B4GALNT3: variants seen among roughly 807,000 people sequenced by gnomAD.
B4GALNT3 encodes beta-1,4-N-acetyl-galactosaminyltransferase 3.
B4GALNT3 carries 86 observed loss-of-function variants against 120.2 expected under a neutral mutation model. The observed-to-expected ratio is 0.72, with a 90% CI of 0.60 to 0.86. B4GALNT3 has a LOEUF of 0.86. Among genes scored for constraint, B4GALNT3 ranks in the 40% least tolerant of loss-of-function variants. B4GALNT3 has a pLI of 0.00. For synonymous variants in B4GALNT3, 518 were observed against 510.4 expected, an observed-to-expected ratio of 1.01 and a Z score of -0.20; for missense variants, 1,167 against 1,298.9, an observed-to-expected ratio of 0.90 and a Z score of 1.56.
intron 1 of B4GALNT3, among the ~76,000 whole-genome samples, chr12:510,502 G>GGAGGTGGCTGGGCTGGGA (rs556557465): frequency 1.7e-4 from 25 of 147,346 alleles, no homozygotes; most frequent in South Asian, 4.5e-4. Context: ...GGAGGGAAAC[G>GGAGGTGGCTGGGCTGGGA]GGCCCTTTCA....
chr12:513,953 A>G (rs1329390954), intron 1 of B4GALNT3, among the ~76,000 whole-genome samples: 1 of 152,138 alleles, frequency 6.6e-6, no homozygotes, highest in Non-Finnish European at 1.5e-5. Context: ...TTCTCCATTC[A>G]TAGTTGATGA....
Position 548,475 on chromosome 12 carries a change from C to T in B4GALNT3, c.853+178C>T, listed in dbSNP as rs768851609. Among the ~76,000 whole-genome samples, 1 of 152,128 alleles carries T rather than the reference C, an allele frequency of 6.6e-6. No individual in the cohort carries two copies. ...TTATGACCAGGAGTCCTTAACTCCC[C>T]AGGGTCAGTGACCCCTTTGAGAACC... On this transcript the variant is annotated intron_variant, in intron 9 of 19. Coordinates refer to ENST00000266383, the MANE Select transcript of B4GALNT3 (RefSeq NM_173593.4). The surrounding 1 kb of genome is among the most constrained non-coding windows in gnomAD (Gnocchi z 4.9).
At chr12:489,061 A>G (rs1319967039) in intron 1 of B4GALNT3, among the ~76,000 whole-genome samples, 1 of 151,910 alleles carries the variant, frequency 6.6e-6, no homozygotes, top group Non-Finnish European at 1.5e-5. Context: ...AAACTAACAC[A>G]GGAACAGAAA....
chr12:554,032 C>A, intron 14 of B4GALNT3, 49 bp downstream of exon 14: 1 of 1,374,762 alleles, frequency 7.3e-7, no homozygotes, highest in Non-Finnish European at 1.0e-6. Context: ...ACGTGGCAGC[C>A]AGCTGGCCTG....
At position 556,966 on chromosome 12, in the gene B4GALNT3, C is replaced by G. The variant is rs1947163723; in HGVS notation, c.2380+100C>G. 4 of 1,228,890 alleles carry G rather than the reference C, an allele frequency of 3.3e-6. No individual in the cohort carries two copies. In the East Asian group the frequency reaches 1.0e-4, roughly 31 times the overall value. 76.1% of individuals were successfully genotyped at this position (1,228,890 alleles called of 1,614,324 possible). ...CACTGATTTGATCCCATAAGCACTT[C>G]TGAGAAAGACCACCTTATAGTTGAG... On this transcript the variant is annotated intron_variant, in intron 15 of 19. Coordinates refer to ENST00000266383, the MANE Select transcript of B4GALNT3 (RefSeq NM_173593.4).
chr12:554,010 A>G (rs1947115023), intron 14 of B4GALNT3, 27 bp downstream of exon 14: 2 of 1,533,298 alleles, frequency 1.3e-6, no homozygotes, highest in African/African-American at 1.4e-5. Flanking sequence ...TCCTGGGGCC[A>G]GGGACTGGGG....
intron 1 of B4GALNT3, among the ~76,000 whole-genome samples, chr12:511,014 T>A (rs1209274901): frequency 7.2e-5 from 1 of 13,914 alleles, no homozygotes; most frequent in South Asian, 3.0e-3. Context: ...TTGCCTATTC[T>A]TTTTTTTTTT....
chr12:511,890 A>C lies in B4GALNT3; in HGVS notation c.170-23276A>C, dbSNP rs1457538827. Among the ~76,000 whole-genome samples, 6 of 49,626 alleles carry C rather than the reference A, an allele frequency of 1.2e-4. 1 individual carries two copies. The highest frequency in any genetic ancestry group is 1.8e-4 in the African/African-American group (2 of 11,164). The allele number at this position is 49,626 out of a possible 152,430, so 32.6% of individuals were successfully genotyped here. On this transcript the variant is annotated intron_variant, in intron 1 of 19. Coordinates refer to ENST00000266383, the MANE Select transcript of B4GALNT3 (RefSeq NM_173593.4). Reference sequence around the variant, plus strand: ...CACCTTCCACCTTCCACCTTCTTCCACCTTCCACCTTCCGCCTTCGACCTT... The same window carrying C: ...CACCTTCCACCTTCCACCTTCTTCCCCCTTCCACCTTCCGCCTTCGACCTT...
At chr12:540,239 G>A (rs531376839) in intron 3 of B4GALNT3, among the ~76,000 whole-genome samples, 25 of 152,180 alleles carry the variant, frequency 1.6e-4, no homozygotes, top group Non-Finnish European at 2.9e-4. Context: ...AGCCCCTGGC[G>A]CAGGTGACAC....
intron 1 of B4GALNT3, among the ~76,000 whole-genome samples, chr12:506,939 T>C (rs916692218): frequency 6.6e-6 from 1 of 152,218 alleles, no homozygotes; most frequent in Non-Finnish European, 1.5e-5. Context: ...CCCGGCCAAG[T>C]GCATTTTTAA....
chr12:526,668 GTGTTTGTT>G (rs150339688), intron 1 of B4GALNT3, among the ~76,000 whole-genome samples: 6 of 152,034 alleles, frequency 3.9e-5, no homozygotes, highest in South Asian at 4.1e-4. Context: ...AATGTTATAG[GTGTTTGTT>G]TGTTTGTTTG....
intron 1 of B4GALNT3, among the ~76,000 whole-genome samples, chr12:530,835 G>A (rs954802967): frequency 6.6e-6 from 1 of 152,198 alleles, no homozygotes; most frequent in East Asian, 1.9e-4. Flanking sequence ...GCACAGAGGA[G>A]GGATGTTGGC....
chr12:553,370 C>T lies in B4GALNT3; in HGVS notation c.1447C>T (p.Arg483Trp), dbSNP rs764497678. The change falls in exon 14 of 20, where the codon CGG (arginine) becomes TGG (tryptophan). Residue 483 changes from arginine (R) to tryptophan (W), a missense_variant. Coordinates refer to ENST00000266383, the MANE Select transcript of B4GALNT3 (RefSeq NM_173593.4). Reference protein sequence around the residue: ...RSLRKLLAQPREGLLAPFSKR... With the variant: ...RSLRKLLAQPWEGLLAPFSKR... ...CCTGCGGAAACTCCTGGCTCAGCCCCGGGAGGGCCTGCTGGCCCCCTTCTC... is the reference window on the plus strand; with the variant it reads ...CCTGCGGAAACTCCTGGCTCAGCCCTGGGAGGGCCTGCTGGCCCCCTTCTC... 52 of 1,613,702 alleles carry T rather than the reference C, an allele frequency of 3.2e-5. No homozygotes were observed. Among genetic ancestry groups the T allele is most frequent in the African/African-American group, 8.0e-5 (6 of 74,952 alleles).
intron 1 of B4GALNT3, among the ~76,000 whole-genome samples, chr12:493,468 G>A (rs2120513423): frequency 6.6e-6 from 1 of 152,270 alleles, no homozygotes; most frequent in South Asian, 2.1e-4. Context: ...ATTGCTGGTG[G>A]GAATGCAAAA....
chr12:527,649 C>A (rs561486860), intron 1 of B4GALNT3, among the ~76,000 whole-genome samples: 2 of 150,962 alleles, frequency 1.3e-5, no homozygotes, highest in Admixed American at 6.6e-5. Context: ...CTTGCCCCCC[C>A]ACCATGCACA....
chr12:505,714 C>G (rs899304464), intron 1 of B4GALNT3, among the ~76,000 whole-genome samples: 1 of 152,170 alleles, frequency 6.6e-6, no homozygotes, highest in Non-Finnish European at 1.5e-5. Flanking sequence ...ACCCTTGTTT[C>G]ATGTTGCTGG....
chr12:493,592 GTT>G (rs34112834), intron 1 of B4GALNT3, among the ~76,000 whole-genome samples: 25,063 of 146,896 alleles, frequency 0.17, 2,613 homozygotes, highest in African/African-American at 0.28. Context: ...AAATATAATG[GTT>G]TTTTTTTTTT....
intron 1 of B4GALNT3, among the ~76,000 whole-genome samples, chr12:474,939 C>A (rs1483519121): frequency 1.8e-5 from 2 of 109,892 alleles, no homozygotes; most frequent in East Asian, 3.4e-4. Context: ...CAGAGGGAGA[C>A]CTTGTCTCAA....
chr12:512,658 T>TCC (rs1946601319), intron 1 of B4GALNT3, among the ~76,000 whole-genome samples: 1 of 99,558 alleles, frequency 1.0e-5, no homozygotes, highest in Non-Finnish European at 2.1e-5. Flanking sequence ...ACCTTCCACC[T>TCC]TCTTCCACCT....
Sources: allele counts gnomAD v4.1 joint callset (sites outside exome capture counted in the v4.1 genomes callset), GRCh38; gene constraint gnomAD v4.1.1; non-coding constraint Gnocchi (gnomAD v3.1); transcripts MANE v1.5; gene names NCBI Gene and HGNC (gene_info 2026-07-23, HGNC 2026-07-21).